The following LGSN variants were observed in gnomAD, a reference collection of about 807,000 sequenced individuals.
LGSN encodes lengsin, lens protein with glutamine synthetase domain, also known as lengsin.
Under a neutral mutation model 19.5 loss-of-function variants are expected in LGSN, and 21 were observed. That is an observed-to-expected ratio of 1.07 (90% CI 0.76 to 1.55). LGSN has a LOEUF of 1.55. LGSN is among the 40% of genes most tolerant of loss of function. The pLI, the probability that LGSN is intolerant of heterozygous loss-of-function variation, is 0.00. For synonymous variants in LGSN, 257 were observed against 215.6 expected, an observed-to-expected ratio of 1.19 and a Z score of -1.68; for missense variants, 673 against 608.5, an observed-to-expected ratio of 1.11 and a Z score of -1.12.
chr6:63,361,647 C>T, the LGSN span, among the ~76,000 whole-genome samples: 1 of 151,942 alleles, frequency 6.6e-6, no homozygotes, highest in African/African-American at 2.4e-5. Flanking sequence ...AGGCTCGGTG[C>T]ACTGCACCCA....
At chr6:63,478,942 T>A in the LGSN span, among the ~76,000 whole-genome samples, 7 of 152,146 alleles carry the variant, frequency 4.6e-5, no homozygotes, top group African/African-American at 1.4e-4. Context: ...GTTACAATGG[T>A]TCCAAGCTTA....
chr6:63,545,163 T>C, the LGSN span, among the ~76,000 whole-genome samples: 1 of 152,236 alleles, frequency 6.6e-6, no homozygotes, highest in Admixed American at 6.5e-5. Context: ...TGAGTTATAA[T>C]CTGTTTCTAT....
intron 1 of LGSN, among the ~76,000 whole-genome samples, chr6:63,317,008 C>G (rs887348727): frequency 1.3e-5 from 2 of 151,898 alleles, no homozygotes; most frequent in African/African-American, 2.4e-5. Context: ...CTTAGGAAAG[C>G]CTTAATAGGC....
chr6:63,472,051 C>T, the LGSN span, among the ~76,000 whole-genome samples: 1 of 152,136 alleles, frequency 6.6e-6, no homozygotes, highest in Non-Finnish European at 1.5e-5. Flanking sequence ...TATTTCTTGC[C>T]TCTGCAGCTA....
the LGSN span, among the ~76,000 whole-genome samples, chr6:63,389,388 TAAAC>T: frequency 6.6e-6 from 1 of 152,348 alleles, no homozygotes; most frequent in South Asian, 2.1e-4. Flanking sequence ...TGTTCATTCT[TAAAC>T]AAGTAATAGA....
At chr6:63,323,108 T>TGAA (rs561336258), upstream of LGSN, among the ~76,000 whole-genome samples, 792 of 152,332 alleles carry the variant, frequency 5.2e-3, no homozygotes, top group African/African-American at 0.017. Context: ...TAAAGTTAAA[T>TGAA]GAAGTCAGTT....
At chr6:63,447,266 T>G in the LGSN span, among the ~76,000 whole-genome samples, 2 of 152,194 alleles carry the variant, frequency 1.3e-5, no homozygotes, top group Non-Finnish European at 2.9e-5. Context: ...TCTACCTCAA[T>G]AAAGTTCTGG....
intron 1 of LGSN, among the ~76,000 whole-genome samples, chr6:63,302,445 C>T (rs1275373484): frequency 3.3e-5 from 5 of 152,174 alleles, no homozygotes; most frequent in African/African-American, 7.2e-5. Flanking sequence ...CTCATAAACA[C>T]TCTTGAACAC....
chr6:63,549,476 C>A, the LGSN span: 2 of 787,486 alleles, frequency 2.5e-6, no homozygotes, highest in South Asian at 1.4e-5. Flanking sequence ...CCGGAGCCAC[C>A]TTCTTTCCCT....
At chr6:63,412,466 AAG>A in the LGSN span, among the ~76,000 whole-genome samples, 7 of 123,962 alleles carry the variant, frequency 5.6e-5, no homozygotes, top group African/African-American at 1.2e-4. Context: ...AAGAAAGAAA[AAG>A]AGAGAGAAGA....
the LGSN span, chr6:63,396,346 C>G: frequency 8.4e-6 from 2 of 238,554 alleles, no homozygotes; most frequent in Admixed American, 1.0e-4. Flanking sequence ...AGGCTGCCTG[C>G]ACTCTTGGCT....
At chr6:63,465,471 C>T in the LGSN span, among the ~76,000 whole-genome samples, 1 of 152,184 alleles carries the variant, frequency 6.6e-6, no homozygotes, top group Non-Finnish European at 1.5e-5. Context: ...CATGAGCCAC[C>T]ATGCTCAGCC....
the LGSN span, among the ~76,000 whole-genome samples, chr6:63,487,755 C>T: frequency 6.6e-6 from 1 of 151,968 alleles, no homozygotes. Context: ...CCGAGGTGGG[C>T]GGATCACCTA....
At chr6:63,360,524 G>A in the LGSN span, among the ~76,000 whole-genome samples, 1 of 152,128 alleles carries the variant, frequency 6.6e-6, no homozygotes, top group Non-Finnish European at 1.5e-5. Flanking sequence ...GTCTTTTAAG[G>A]ACTTCTCTGC....
At chr6:63,548,405 A>C in the LGSN span, among the ~76,000 whole-genome samples, 1 of 152,200 alleles carries the variant, frequency 6.6e-6, no homozygotes, top group East Asian at 1.9e-4. Flanking sequence ...CTAGGCAAGC[A>C]CTTTAAACTG....
chr6:63,479,448 A>C, the LGSN span, among the ~76,000 whole-genome samples: 1 of 151,960 alleles, frequency 6.6e-6, no homozygotes, highest in African/African-American at 2.4e-5. Flanking sequence ...AAATCCTAAA[A>C]TGTACCCAAG....
At chr6:63,485,061 C>T in the LGSN span, among the ~76,000 whole-genome samples, 1 of 150,972 alleles carries the variant, frequency 6.6e-6, no homozygotes. Flanking sequence ...CTTTTAAGTT[C>T]AGGGTTACAT....
the LGSN span, among the ~76,000 whole-genome samples, chr6:63,419,880 C>CAAAAAAAAAAAA: frequency 1.7e-5 from 1 of 57,330 alleles, no homozygotes. Context: ...AACTCCCTCC[C>CAAAAAAAAAAAA]AAAAAAAAAA....
chr6:63,362,518 G>A, the LGSN span, among the ~76,000 whole-genome samples: 1 of 152,210 alleles, frequency 6.6e-6, no homozygotes, highest in Non-Finnish European at 1.5e-5. Flanking sequence ...CTTTTCCAAT[G>A]GTCTTAGCAA....
Sources: gnomAD v4.1 joint callset for allele counts (sites outside exome capture counted in the v4.1 genomes callset) on GRCh38, gnomAD v4.1.1 for gene constraint, MANE v1.5 for transcripts, NCBI Gene and HGNC (gene_info 2026-07-23, HGNC 2026-07-21) for gene names.